Variants in ADGRA3 observed in about 807,000 individuals in gnomAD.
The protein encoded by ADGRA3 is adhesion G protein-coupled receptor A3, also known as G-protein coupled receptor 125.
Under a neutral mutation model 119.8 loss-of-function variants are expected in ADGRA3, and 56 were observed. That is an observed-to-expected ratio of 0.47 (90% CI 0.38 to 0.58). ADGRA3 has a LOEUF of 0.58. ADGRA3 is among the 20% of genes least tolerant of loss of function. The probability of loss-of-function intolerance (pLI) is 0.00; values close to 1 mark genes in which losing one functional copy is unlikely to be tolerated. For missense variants in ADGRA3, 1,516 were observed against 1,649.0 expected (o/e 0.92, Z 1.40); for synonymous variants, 607 against 623.8 (o/e 0.97, Z 0.40).
intron 16 of ADGRA3, chr4:22,392,994 C>A: frequency 1.8e-5 from 4 of 227,016 alleles, no homozygotes; most frequent in Non-Finnish European, 3.4e-5. Context: ...GTGTGTTTTT[C>A]ATAGATGTGA....
intron 2 of ADGRA3, among the ~76,000 whole-genome samples, chr4:22,464,759 C>T (rs576509167): frequency 6.6e-6 from 1 of 152,282 alleles, no homozygotes; most frequent in Non-Finnish European, 1.5e-5. Context: ...AACAGGATAT[C>T]CCAGGGGGCT....
intron 2 of ADGRA3, among the ~76,000 whole-genome samples, chr4:22,466,113 C>A (rs561073798): frequency 6.6e-6 from 1 of 152,266 alleles, no homozygotes; most frequent in Non-Finnish European, 1.5e-5. Flanking sequence ...GATCCACAGT[C>A]CCTCAGAAGG....
intron 2 of ADGRA3, among the ~76,000 whole-genome samples, chr4:22,472,179 A>G (rs1278601280): frequency 6.6e-6 from 1 of 152,206 alleles, no homozygotes; most frequent in Non-Finnish European, 1.5e-5. Flanking sequence ...AGCACATACT[A>G]AATGCCTGAC....
intron 1 of ADGRA3, among the ~76,000 whole-genome samples, chr4:22,499,837 G>A (rs55747913): frequency 0.062 from 9,430 of 152,194 alleles, 516 homozygotes; most frequent in African/African-American, 0.15. Flanking sequence ...ACAGTTGTTA[G>A]TTACTTGGAC....
At chr4:22,470,524 A>G (rs1717823441) in intron 2 of ADGRA3, among the ~76,000 whole-genome samples, 1 of 152,166 alleles carries the variant, frequency 6.6e-6, no homozygotes, top group Admixed American at 6.5e-5. Flanking sequence ...CTTGGCTCCT[A>G]TAATTTCAAG....
chr4:22,480,494 A>G (rs1193047717), intron 1 of ADGRA3, among the ~76,000 whole-genome samples: 4 of 151,926 alleles, frequency 2.6e-5, no homozygotes, highest in African/African-American at 9.7e-5. Flanking sequence ...GGTGATATAC[A>G]TAGCAAGACC....
At chr4:22,473,866 T>C (rs753212693) in intron 1 of ADGRA3, 23 bp from the exon 2 acceptor site, 1 of 1,472,460 alleles carries the variant, frequency 6.8e-7, no homozygotes, top group South Asian at 1.2e-5. Context: ...AAAAAAATAA[T>C]AAGTTGCCTA....
chr4:22,413,319 C>T lies in ADGRA3; in HGVS notation c.2095G>A (p.Ala699Thr), dbSNP rs1472886257. ...TCGAAATCCCACCGGGCTGCAACAG[C>T]ATCTGCTCCATGTGCAATTCGACGC... ...TLRRIAHGAD[A>T]VAARWDFDLL... Residue 699 changes from alanine to threonine, a missense_variant, in exon 14 of 19, where the codon GCT (alanine) becomes ACT (threonine). Ala to Thr is a moderately conservative substitution (Grantham distance 58). Transcript: ENST00000334304. 6.2e-7 allele frequency: 1 copy of T among 1,614,020 alleles called. No individual in the cohort carries two copies. Among genetic ancestry groups the T allele is most frequent in the Non-Finnish European group, 8.5e-7 (1 of 1,180,014 alleles).
At chr4:22,453,930 C>A (rs752414686) in intron 4 of ADGRA3, among the ~76,000 whole-genome samples, 4 of 152,024 alleles carry the variant, frequency 2.6e-5, no homozygotes, top group Non-Finnish European at 5.9e-5. Context: ...TGGCTCACTG[C>A]AACCTCTGCA....
chr4:22,415,993 TAG>T (rs1423851732), intron 12 of ADGRA3, among the ~76,000 whole-genome samples: 1 of 152,160 alleles, frequency 6.6e-6, no homozygotes, highest in African/African-American at 2.4e-5. Flanking sequence ...CCCTGAGATA[TAG>T]AGAGTGGCCT....
At chr4:22,413,437 C>G in intron 13 of ADGRA3, 47 bp from the exon 14 acceptor site, 1 of 1,535,300 alleles carries the variant, frequency 6.5e-7, no homozygotes, top group Non-Finnish European at 9.0e-7. Flanking sequence ...AACTTCATAA[C>G]CAATTATAAA....
intron 1 of ADGRA3, among the ~76,000 whole-genome samples, chr4:22,479,590 A>G (rs1199144921): frequency 6.6e-6 from 1 of 152,194 alleles, no homozygotes; most frequent in Non-Finnish European, 1.5e-5. Flanking sequence ...CAGCATGGCG[A>G]TTCCTCAAGG....
Position 22,388,514 on chromosome 4 carries a change from C to T in ADGRA3, c.3157G>A (p.Val1053Ile). 1.2e-6 allele frequency: 2 copies of T among 1,614,092 alleles called. No homozygotes were observed. Among genetic ancestry groups the T allele is most frequent in the Non-Finnish European group, 1.7e-6 (2 of 1,179,998 alleles). Residue 1053 changes from valine to isoleucine, a missense_variant, in exon 19 of 19, where the codon GTT (valine) becomes ATT (isoleucine). Val to Ile is a conservative substitution (Grantham distance 29, BLOSUM62 3). Around this residue, in one of 2 missense-constraint regions of ADGRA3, gnomAD observed 1,088 missense variants for 1,107.1 expected, o/e 0.98. Coordinates refer to ENST00000334304, the MANE Select transcript of ADGRA3 (RefSeq NM_145290.4). Reference protein sequence around the residue: ...VVHHCVNREDVRLAWIMTCCP... With the variant: ...VVHHCVNREDIRLAWIMTCCP... ...CAAGTCATGATCCACGCAAGTCTAA[C>T]ATCCTCCCTATTAACACAATGGTGG... is the stretch of plus-strand genomic sequence containing the variant.
At chr4:22,389,575 A>G (rs1465437667) in intron 17 of ADGRA3, among the ~76,000 whole-genome samples, 1 of 151,884 alleles carries the variant, frequency 6.6e-6, no homozygotes, top group East Asian at 1.9e-4. Flanking sequence ...CTTAGTTCAC[A>G]CAAGAAATGT....
intron 1 of ADGRA3, among the ~76,000 whole-genome samples, chr4:22,493,128 C>T (rs564190805): frequency 6.6e-6 from 1 of 152,278 alleles, no homozygotes; most frequent in Admixed American, 6.5e-5. Flanking sequence ...CCACACACAG[C>T]TAGTTTTTGT....
intron 1 of ADGRA3, among the ~76,000 whole-genome samples, chr4:22,482,276 T>C (rs1370349548): frequency 6.6e-6 from 1 of 152,152 alleles, no homozygotes; most frequent in Admixed American, 6.5e-5. Context: ...TTGACCATAA[T>C]TGCATCCTCA....
At chr4:22,461,357 G>A (rs1420991797) in intron 3 of ADGRA3, among the ~76,000 whole-genome samples, 1 of 152,242 alleles carries the variant, frequency 6.6e-6, no homozygotes, top group Non-Finnish European at 1.5e-5. Context: ...CTGTCTTGCA[G>A]TGGCACAATC....
chr4:22,458,623 AC>A (rs1213095323), intron 3 of ADGRA3, among the ~76,000 whole-genome samples: 1 of 152,064 alleles, frequency 6.6e-6, no homozygotes, highest in Non-Finnish European at 1.5e-5. Flanking sequence ...ACCGATCACC[AC>A]CTTATCATTT....
At chr4:22,407,365 A>G (rs1272363227) in intron 14 of ADGRA3, among the ~76,000 whole-genome samples, 1 of 152,226 alleles carries the variant, frequency 6.6e-6, no homozygotes, top group African/African-American at 2.4e-5. Flanking sequence ...AGAGAGAGAA[A>G]GCAGAAACCT....
Sources: gnomAD v4.1 joint callset for allele counts (sites outside exome capture counted in the v4.1 genomes callset) on GRCh38, gnomAD v4.1.1 for gene constraint, gnomAD v4.1.1 regional missense constraint, MANE v1.5 for transcripts, NCBI Gene and HGNC (gene_info 2026-07-23, HGNC 2026-07-21) for gene names.